Variants in FTH1 observed in about 807,000 individuals in gnomAD.
FTH1 encodes the protein ferritin heavy chain.
In FTH1, 3 loss-of-function variants were observed where a neutral mutation model predicts 21.8. The ratio of observed to expected loss-of-function variants is 0.14; its 90% CI spans 0.06 to 0.36. FTH1 has a LOEUF of 0.36. Among genes scored for constraint, FTH1 ranks in the 10% least tolerant of loss-of-function variants. The pLI is 1.00. For synonymous variants in FTH1, 83 were observed against 90.1 expected, an observed-to-expected ratio of 0.92 and a Z score of 0.45; for missense variants, 147 against 225.8, an observed-to-expected ratio of 0.65 and a Z score of 2.24.
intron 1 of FTH1, chr11:61,967,057 T>C (rs544929103): frequency 6.8e-6 from 2 of 296,210 alleles, no homozygotes; most frequent in African/African-American, 4.5e-5. Flanking sequence ...GACACCAAGG[T>C]CTCCTTAAAA....
chr11:61,965,721 C>G (rs1942440309), intron 1 of FTH1: 1 of 645,224 alleles, frequency 1.5e-6, no homozygotes, highest in Admixed American at 2.4e-5. Context: ...AAATAGAAAA[C>G]TGAAACTTGA....
chr11:61,964,550 C>T lies in FTH1; in HGVS notation c.*177G>A. On this transcript the variant is annotated 3_prime_UTR_variant, in exon 4 of 4. Coordinates refer to ENST00000273550, the MANE Select transcript of FTH1 (RefSeq NM_002032.3). ...ATAGATTTCTGATTCATCCCAAGAC[C>T]TCAAAGACAACACCTGGGTACCAAA... 1.3e-6 allele frequency: 1 copy of T among 752,240 alleles called. No homozygotes were observed. The highest frequency in any genetic ancestry group is 2.2e-6 in the Non-Finnish European group (1 of 456,492). 46.6% of individuals were successfully genotyped at this position (752,240 alleles called of 1,614,324 possible).
rs976154463 is a variant in FTH1 at position 61,967,611 on chromosome 11, G to C, written c.-186C>G. 1.5e-6 allele frequency: 1 copy of C among 668,318 alleles called. No homozygotes were observed. The highest frequency in any genetic ancestry group is 2.7e-6 in the Non-Finnish European group (1 of 364,606). 41.4% of individuals were successfully genotyped at this position (668,318 alleles called of 1,614,324 possible). A position where few individuals can be genotyped will look rare whatever the true frequency, so the allele number is the denominator to read the frequency against. ...CACTGTTGAAGCAGGAAACCCCGAC[G>C]ACTCTCGGCGAAGAACGTCTGGCCC... On this transcript the variant is annotated 5_prime_UTR_variant, in exon 1 of 4. Transcript: ENST00000273550.
rs760876662 is a variant in FTH1, at chr11:61,964,825, G to A, written c.454C>T (p.His152Tyr). The A allele has an allele frequency of 6.2e-6, 10 of 1,600,692 alleles. No individual in the cohort carries two copies. Among genetic ancestry groups the A allele is most frequent in the Non-Finnish European group, 7.6e-6 (9 of 1,179,950 alleles). ...CCCATCTTGCGCAAGTTGGTCACGT[G>A]GTCACCCAATTCTTTGATGGCTTTC... ...QVKAIKELGD[H>Y]VTNLRKMGAP... Residue 152 changes from histidine to tyrosine, a missense_variant, in exon 4 of 4, where the codon CAC becomes TAC. Physicochemically the swap from His to Tyr is moderately conservative, Grantham distance 83 (BLOSUM62 2). Transcript: ENST00000273550.
In FTH1 at chr11:61,965,356, A is replaced by T; in HGVS notation, c.261+13T>A. On this transcript the variant is annotated intron_variant, in intron 2 of 3. Coordinates refer to ENST00000273550, the MANE Select transcript of FTH1 (RefSeq NM_002032.3). ...GATGATGAAGTATGACACCCCTAGGATCTTTTGTTCACCTTGATATCCTGA... is the reference window on the plus strand; with the variant it reads ...GATGATGAAGTATGACACCCCTAGGTTCTTTTGTTCACCTTGATATCCTGA... 1 of 1,610,984 alleles carries T rather than the reference A, an allele frequency of 6.2e-7. No homozygotes were observed.
Position 61,964,769 on chromosome 11 carries a change from G to A in FTH1, c.510C>T (p.Leu170=), listed in dbSNP as rs1064813. The A allele has an allele frequency of 5.0e-6, 8 of 1,599,704 alleles. No homozygotes were observed. The highest frequency in any genetic ancestry group is 6.8e-6 in the Non-Finnish European group (8 of 1,179,952). ...TGTCTCCCAGGGTGTGCTTGTCAAA[G>A]AGATATTCCGCCAAGCCAGATTCGG... ...GAPESGLAEY[L]FDKHTLGDSD... is the part of the protein sequence containing the mutation. The change falls in exon 4 of 4, where the codon CTC becomes CTT. Residue 170 remains leucine (L), a synonymous_variant. Coordinates refer to ENST00000273550, the MANE Select transcript of FTH1 (RefSeq NM_002032.3).
rs1389949911 is a variant in FTH1 at position 61,964,739 on chromosome 11, A to G, written c.540T>C (p.Asp180=). The G allele has an allele frequency of 3.1e-6, 5 of 1,598,578 alleles. No homozygotes were observed. The African/African-American group carries it at 5.3e-5, about 17-fold the overall frequency. ...LFDKHTLGDS[D]NES is the part of the protein sequence containing the mutation. ...ATTAGCCCGAGGCTTAGCTTTCATTATCACTGTCTCCCAGGGTGTGCTTGT... is the reference window on the plus strand; with the variant it reads ...ATTAGCCCGAGGCTTAGCTTTCATTGTCACTGTCTCCCAGGGTGTGCTTGT... Residue 180 remains aspartate (D), a synonymous_variant, in exon 4 of 4, where the codon GAT becomes GAC. Coordinates refer to ENST00000273550, the MANE Select transcript of FTH1 (RefSeq NM_002032.3).
rs1298896344 is a variant in FTH1 at position 61,964,737 on chromosome 11, T to A, written c.542A>T (p.Asn181Ile). Residue 181 changes from asparagine (N) to isoleucine (I), a missense_variant, in exon 4 of 4, where the codon AAT (asparagine) becomes ATT (isoleucine). Asn to Ile is a moderately radical substitution (Grantham distance 149, BLOSUM62 -3). Coordinates refer to ENST00000273550, the MANE Select transcript of FTH1 (RefSeq NM_002032.3). Reference protein sequence around the residue: ...FDKHTLGDSDNES With the variant: ...FDKHTLGDSDIES ...AAATTAGCCCGAGGCTTAGCTTTCA[T>A]TATCACTGTCTCCCAGGGTGTGCTT... is the stretch of plus-strand genomic sequence containing the variant. The A allele has an allele frequency of 1.3e-6, 2 of 1,598,600 alleles. No homozygotes were observed. The highest frequency in any genetic ancestry group is 2.2e-5 in the South Asian group (2 of 91,028).
chr11:61,965,626 G>C (rs991721576), intron 1 of FTH1, 111 bp from the exon 2 acceptor site: 1 of 1,200,054 alleles, frequency 8.3e-7, no homozygotes, highest in Non-Finnish European at 1.2e-6. Flanking sequence ...CTTTCTCAAA[G>C]CACAGCATGA....
intron 1 of FTH1, 81 bp downstream of exon 1, chr11:61,967,231 G>T: frequency 1.3e-6 from 1 of 764,026 alleles, no homozygotes. Context: ...CCCGCGGGTG[G>T]CCACACCCCC....
chr11:61,964,453 A>G lies in FTH1; in HGVS notation c.*274T>C. ...AAACTAATGAGTTTAATAAATACAA[A>G]TACTCGTTTCTTTTTGATTAGTGTG... On this transcript the variant is annotated 3_prime_UTR_variant, in exon 4 of 4. Transcript: ENST00000273550. The G allele has an allele frequency of 1.6e-6, 1 of 614,310 alleles. No individual in the cohort carries two copies. The highest frequency in any genetic ancestry group is 2.0e-5 in the South Asian group (1 of 49,670). The allele number at this position is 614,310 out of a possible 1,614,324, so 38.1% of individuals were successfully genotyped here. A position where few individuals can be genotyped will look rare whatever the true frequency, so the allele number is the denominator to read the frequency against.
At chr11:61,966,769 T>TA (rs1327459146) in intron 1 of FTH1, among the ~76,000 whole-genome samples, 5 of 152,030 alleles carry the variant, frequency 3.3e-5, no homozygotes, top group East Asian at 1.9e-4. Context: ...AAGTGGGACT[T>TA]AGAGATAAGC....
intron 2 of FTH1, 75 bp downstream of exon 2, chr11:61,965,294 G>T: frequency 6.2e-7 from 1 of 1,600,752 alleles, no homozygotes; most frequent in Admixed American, 1.7e-5. Flanking sequence ...AAGGGCAATT[G>T]CTAGTTTAAG....
intron 1 of FTH1, among the ~76,000 whole-genome samples, chr11:61,965,835 C>G (rs1942444410): frequency 6.6e-6 from 1 of 152,198 alleles, no homozygotes; most frequent in African/African-American, 2.4e-5. Context: ...CAGCCAGTGT[C>G]AGAATTCATT....
Position 61,964,625 on chromosome 11 carries a change from T to C in FTH1, c.*102A>G. ...AAATCAAAGAACTTAAGTGGATGTTTTGGTACAACTTATAGAAAAGGTAAA... is the reference window on the plus strand; with the variant it reads ...AAATCAAAGAACTTAAGTGGATGTTCTGGTACAACTTATAGAAAAGGTAAA... On this transcript the variant is annotated 3_prime_UTR_variant, in exon 4 of 4. Transcript: ENST00000273550. The C allele has an allele frequency of 7.9e-7, 1 of 1,261,766 alleles. No individual in the cohort carries two copies. The highest frequency in any genetic ancestry group is 1.1e-6 in the Non-Finnish European group (1 of 882,152). 78.2% of individuals were successfully genotyped at this position (1,261,766 alleles called of 1,614,324 possible). A position where few individuals can be genotyped will look rare whatever the true frequency, so the allele number is the denominator to read the frequency against.
intron 1 of FTH1, 179 bp from the exon 2 acceptor site, chr11:61,965,694 G>A (rs569741966): frequency 5.8e-6 from 4 of 692,042 alleles, no homozygotes; most frequent in Admixed American, 2.2e-5. Context: ...GAACCCAAGA[G>A]TAATGTTTCT....
At position 61,967,158 on chromosome 11, in the gene FTH1, G is replaced by C. The variant is rs933727166; in HGVS notation, c.114+154C>G. On this transcript the variant is annotated intron_variant, in intron 1 of 3. Coordinates refer to ENST00000273550, the MANE Select transcript of FTH1 (RefSeq NM_002032.3). ...CCAGCTGCCCCGACTTTCTGCGCCA[G>C]AGAAGTCCTCGGAAACCTCGAGCAG... 6 of 452,868 alleles carry C rather than the reference G, an allele frequency of 1.3e-5. No individual in the cohort carries two copies. The East Asian group carries it at 2.5e-4, about 19-fold the overall frequency. 28.1% of individuals were successfully genotyped at this position (452,868 alleles called of 1,614,324 possible).
rs1395393794 is a variant in FTH1 at position 61,967,339 on chromosome 11, G to C, written c.87C>G (p.Leu29=). The C allele has an allele frequency of 1.9e-6, 3 of 1,605,464 alleles. No homozygotes were observed. The South Asian group carries it at 3.3e-5, about 18-fold the overall frequency. ...AAINRQINLE[L]YASYVYLSMS... is the part of the protein sequence containing the mutation. ...TGGACAGGTAAACGTAGGAGGCGTA[G>C]AGCTCCAGGTTGATCTGGCGGTTGA... The change falls in exon 1 of 4, where the codon CTC becomes CTG. Residue 29 remains leucine (L), a synonymous_variant. Coordinates refer to ENST00000273550, the MANE Select transcript of FTH1 (RefSeq NM_002032.3).
In FTH1 at chr11:61,964,716, T is replaced by C. The variant is rs1591320009; in HGVS notation, c.*11A>G. 1 of 1,597,844 alleles carries C rather than the reference T, an allele frequency of 6.3e-7. No homozygotes were observed. Among genetic ancestry groups the C allele is most frequent in the Non-Finnish European group, 8.5e-7 (1 of 1,179,878 alleles). On this transcript the variant is annotated 3_prime_UTR_variant, in exon 4 of 4. Transcript: ENST00000273550. ...AGTCACCCCACGGCTATGGGGAAATTAGCCCGAGGCTTAGCTTTCATTATC... is the reference window on the plus strand; with the variant it reads ...AGTCACCCCACGGCTATGGGGAAATCAGCCCGAGGCTTAGCTTTCATTATC...
Sources: allele counts gnomAD v4.1 joint callset (sites outside exome capture counted in the v4.1 genomes callset), GRCh38; gene constraint gnomAD v4.1.1; transcripts MANE v1.5; gene names NCBI Gene and HGNC (gene_info 2026-07-23, HGNC 2026-07-21).